The following CFAP299 variants were observed in gnomAD, a reference collection of about 807,000 sequenced individuals.
CFAP299 encodes the protein cilia- and flagella-associated protein 299.
Under a neutral mutation model 27.0 loss-of-function variants are expected in CFAP299, and 21 were observed. The observed-to-expected ratio is 0.78, with a 90% confidence interval of 0.55 to 1.12. CFAP299 has a LOEUF of 1.12. CFAP299 is among the 50% of genes most tolerant of loss of function. The probability of loss-of-function intolerance (pLI) is 0.00; values close to 1 mark genes in which losing one functional copy is unlikely to be tolerated. For synonymous variants in CFAP299, 104 were observed against 98.1 expected (o/e 1.06, Z -0.36); for missense variants, 310 against 276.6 (o/e 1.12, Z -0.86).
intron 3 of CFAP299, among the ~76,000 whole-genome samples, chr4:80,726,740 C>G (rs993787869): frequency 2.0e-5 from 3 of 152,146 alleles, no homozygotes; most frequent in Non-Finnish European, 4.4e-5. Context: ...ACTGACTGTT[C>G]TACTCACCAG....
chr4:80,874,881 T>G (rs1244552823), intron 4 of CFAP299, among the ~76,000 whole-genome samples: 1 of 152,120 alleles, frequency 6.6e-6, no homozygotes, highest in Non-Finnish European at 1.5e-5. Flanking sequence ...GTACTGTGAG[T>G]GTAAAATGCA....
At chr4:80,441,927 C>T (rs576470325) in intron 2 of CFAP299, among the ~76,000 whole-genome samples, 1 of 152,200 alleles carries the variant, frequency 6.6e-6, no homozygotes, top group Non-Finnish European at 1.5e-5. Context: ...ATAAAACAGC[C>T]TTTAGACCAA....
At chr4:80,329,281 A>G in the CFAP299 span, among the ~76,000 whole-genome samples, 3 of 150,188 alleles carry the variant, frequency 2.0e-5, no homozygotes, top group Non-Finnish European at 4.4e-5. Flanking sequence ...TTACACATTT[A>G]TATCTCCAAT....
At position 80,928,705 on chromosome 4, in the gene CFAP299, C is replaced by T. The variant is rs73831212; in HGVS notation, c.477-16105C>T. On this transcript the variant is annotated intron_variant, in intron 4 of 5. Transcript: ENST00000358105. The stretch of plus-strand genomic sequence containing the variant: ...GAATTTTAATCTTATAATTCCAGTA[C>T]TAACAGCAAAGATTACTTATCCATA... Among the ~76,000 whole-genome samples the T allele has an allele frequency of 7.7e-3, 1,177 of 152,082 alleles. 3 individuals are homozygous for T. The highest frequency in any genetic ancestry group is 0.014 in the Middle Eastern group (4 of 294).
chr4:80,888,009 G>A (rs1734056728), intron 4 of CFAP299, among the ~76,000 whole-genome samples: 1 of 151,824 alleles, frequency 6.6e-6, no homozygotes, highest in Non-Finnish European at 1.5e-5. Flanking sequence ...GGAAAGTAAA[G>A]TATATCACCA....
At chr4:80,441,017 A>G (rs1421737774) in intron 2 of CFAP299, among the ~76,000 whole-genome samples, 1 of 152,220 alleles carries the variant, frequency 6.6e-6, no homozygotes, top group Non-Finnish European at 1.5e-5. Flanking sequence ...AAAAAGAATG[A>G]AAAGGGATGA....
At chr4:80,408,398 C>A (rs1726538620) in intron 2 of CFAP299, among the ~76,000 whole-genome samples, 1 of 152,056 alleles carries the variant, frequency 6.6e-6, no homozygotes. Context: ...GTCATTTGGT[C>A]ATTTCTTGGA....
intron 3 of CFAP299, among the ~76,000 whole-genome samples, chr4:80,842,530 T>C (rs1730919756): frequency 6.6e-6 from 1 of 152,160 alleles, no homozygotes; most frequent in African/African-American, 2.4e-5. Flanking sequence ...GTATGTTTTA[T>C]TGTGAATGTA....
At chr4:80,584,344 C>T (rs1010465582) in intron 3 of CFAP299, among the ~76,000 whole-genome samples, 5 of 151,854 alleles carry the variant, frequency 3.3e-5, no homozygotes, top group African/African-American at 1.2e-4. Context: ...GGTAGAATTG[C>T]AGAGGATGCT....
intron 4 of CFAP299, among the ~76,000 whole-genome samples, chr4:80,901,543 G>A (rs570345606): frequency 8.6e-5 from 13 of 151,982 alleles, no homozygotes; most frequent in Non-Finnish European, 8.8e-5. Flanking sequence ...AAGATGCTTC[G>A]TGACCCTTAG....
intron 2 of CFAP299, among the ~76,000 whole-genome samples, chr4:80,410,569 T>C (rs1306939764): frequency 6.6e-6 from 1 of 152,188 alleles, no homozygotes; most frequent in African/African-American, 2.4e-5. Context: ...GGTGACTAGA[T>C]CCGGGAAGAG....
rs549155626 is a variant in CFAP299, at chr4:80,405,156, G to C, written c.242+42272G>C. ...ATGGATCTCATTTCTTTGCACCTGA[G>C]CTGCAAGAACTTCTGCAGGAAAAAC... On this transcript the variant is annotated intron_variant, in intron 2 of 5. Coordinates refer to ENST00000358105, the MANE Select transcript of CFAP299 (RefSeq NM_152770.3). 5.4e-4 allele frequency among the ~76,000 whole-genome samples: 82 copies of C among 152,220 alleles called. 1 individual carries two copies. The highest frequency in any genetic ancestry group is 1.9e-3 in the African/African-American group (79 of 41,528).
chr4:80,749,391 C>T (rs72866718), intron 3 of CFAP299, among the ~76,000 whole-genome samples: 28,661 of 152,070 alleles, frequency 0.19, 3,329 homozygotes, highest in African/African-American at 0.33. Flanking sequence ...AAAATACTTA[C>T]ATTAGTCTGG....
At chr4:80,674,729 C>G (rs1165345294) in intron 3 of CFAP299, among the ~76,000 whole-genome samples, 1 of 151,954 alleles carries the variant, frequency 6.6e-6, no homozygotes, top group Non-Finnish European at 1.5e-5. Context: ...TCTTTTTACT[C>G]TTTTTTTCTC....
intron 3 of CFAP299, among the ~76,000 whole-genome samples, chr4:80,796,481 C>T (rs1386176865): frequency 2.6e-5 from 4 of 152,152 alleles, no homozygotes; most frequent in Non-Finnish European, 5.9e-5. Flanking sequence ...GAAGCTGGAA[C>T]GTTGATATAC....
At chr4:80,713,793 A>G (rs1722312270) in intron 3 of CFAP299, among the ~76,000 whole-genome samples, 1 of 152,234 alleles carries the variant, frequency 6.6e-6, no homozygotes, top group Non-Finnish European at 1.5e-5. Flanking sequence ...TTTACACAAA[A>G]TAATAAAGTA....
At chr4:80,576,039 G>A (rs188152341) in intron 2 of CFAP299, among the ~76,000 whole-genome samples, 2 of 151,630 alleles carry the variant, frequency 1.3e-5, no homozygotes, top group East Asian at 3.9e-4. Context: ...CTGTTGTGGG[G>A]TAGGGGGATG....
intron 2 of CFAP299, among the ~76,000 whole-genome samples, chr4:80,523,609 T>C (rs1468075192): frequency 6.6e-6 from 1 of 152,148 alleles, no homozygotes; most frequent in Admixed American, 6.5e-5. Flanking sequence ...TGAGTTCAAA[T>C]AGAAAAAAAT....
chr4:80,880,348 A>G (rs1733630658), intron 4 of CFAP299, among the ~76,000 whole-genome samples: 3 of 152,166 alleles, frequency 2.0e-5, no homozygotes, highest in South Asian at 2.1e-4. Context: ...GTAGAAAGCC[A>G]TAGCTTTTAT....
Sources: gnomAD v4.1 joint callset for allele counts (sites outside exome capture counted in the v4.1 genomes callset) on GRCh38, gnomAD v4.1.1 for gene constraint, MANE v1.5 for transcripts, NCBI Gene and HGNC (gene_info 2026-07-23, HGNC 2026-07-21) for gene names.